The following DAPL1 variants were observed in gnomAD, a reference collection of about 807,000 sequenced individuals.
DAPL1 encodes the protein death-associated protein-like 1.
A neutral mutation model predicts 12.9 loss-of-function variants in DAPL1; 17 were observed. That is an observed-to-expected ratio of 1.32 (90% CI 0.90 to 1.98). DAPL1 has a LOEUF of 1.98. DAPL1 is among the 30% of genes most tolerant of loss of function. DAPL1 has a pLI of 0.00. For missense variants in DAPL1, 157 were observed against 125.7 expected, an observed-to-expected ratio of 1.25 and a Z score of -1.19; for synonymous variants, 51 against 42.0, an observed-to-expected ratio of 1.21 and a Z score of -0.82.
At chr2:158,815,179 G>T (rs574301854) in intron 3 of DAPL1, among the ~76,000 whole-genome samples, 4 of 151,994 alleles carry the variant, frequency 2.6e-5, no homozygotes, top group African/African-American at 9.7e-5. Flanking sequence ...CTCTTCACTG[G>T]GCTATTTAGA....
At chr2:158,812,883 G>A (rs1317600571) in intron 3 of DAPL1, among the ~76,000 whole-genome samples, 1 of 151,558 alleles carries the variant, frequency 6.6e-6, no homozygotes, top group Non-Finnish European at 1.5e-5. Flanking sequence ...CCCATATATT[G>A]GAAGAATTGA....
At position 158,804,916 on chromosome 2, in the gene DAPL1, C is replaced by T. The variant is rs1483249886; in HGVS notation, c.146+547C>T. On this transcript the variant is annotated intron_variant, in intron 2 of 3. Coordinates refer to ENST00000309950, the MANE Select transcript of DAPL1 (RefSeq NM_001017920.3). Reference sequence around the variant, plus strand: ...TTCCACCATAACATTGACGCCTGCCCTATTCTCAGAACTCAGCAGAGAGCT... The same window carrying T: ...TTCCACCATAACATTGACGCCTGCCTTATTCTCAGAACTCAGCAGAGAGCT... Among the ~76,000 whole-genome samples, 4 of 152,204 alleles carry T rather than the reference C, an allele frequency of 2.6e-5. No individual in the cohort carries two copies. The South Asian group carries it at 8.3e-4, about 32-fold the overall frequency.
At chr2:158,807,172 T>C in intron 3 of DAPL1, 57 bp downstream of exon 3, 2 of 1,409,636 alleles carry the variant, frequency 1.4e-6, no homozygotes, top group Admixed American at 1.8e-5. Flanking sequence ...TGGATCCAGC[T>C]GCATGGGTGA....
At chr2:158,813,131 C>G (rs2059240524) in intron 3 of DAPL1, among the ~76,000 whole-genome samples, 2 of 152,080 alleles carry the variant, frequency 1.3e-5, no homozygotes, top group African/African-American at 4.8e-5. Context: ...AAGCCAGACA[C>G]AAAAGGACAA....
At chr2:158,809,111 A>G (rs992544939) in intron 3 of DAPL1, among the ~76,000 whole-genome samples, 1 of 152,160 alleles carries the variant, frequency 6.6e-6, no homozygotes, top group Non-Finnish European at 1.5e-5. Flanking sequence ...CTGTAATCCC[A>G]GCACTTTGCG....
chr2:158,814,669 T>C (rs1189588070), intron 3 of DAPL1, among the ~76,000 whole-genome samples: 1 of 152,240 alleles, frequency 6.6e-6, no homozygotes, highest in Non-Finnish European at 1.5e-5. Context: ...AAGGCACATA[T>C]GTTTTCCCTG....
intron 2 of DAPL1, among the ~76,000 whole-genome samples, chr2:158,806,853 TA>T (rs2059205208): frequency 1.5e-5 from 2 of 130,384 alleles, no homozygotes; most frequent in Admixed American, 1.5e-4. Flanking sequence ...AAAAAAATAA[TA>T]ATAATAATAA....
At chr2:158,815,614 C>T in intron 3 of DAPL1, 91 bp from the exon 4 acceptor site, 1 of 818,402 alleles carries the variant, frequency 1.2e-6, no homozygotes, top group Admixed American at 1.9e-5. Flanking sequence ...TGTGAGATTC[C>T]CTTGATCAAC....
intron 3 of DAPL1, among the ~76,000 whole-genome samples, chr2:158,812,357 T>C (rs1314103898): frequency 6.6e-6 from 1 of 152,220 alleles, no homozygotes; most frequent in African/African-American, 2.4e-5. Flanking sequence ...TTCTGAGAAG[T>C]AGTTGAGCAG....
intron 3 of DAPL1, among the ~76,000 whole-genome samples, chr2:158,815,267 A>G (rs2059253868): frequency 6.6e-6 from 1 of 152,214 alleles, no homozygotes; most frequent in Admixed American, 6.5e-5. Context: ...AGACCTAATA[A>G]ATAACCCTAA....
rs771340548 is a variant in DAPL1, at chr2:158,807,053, A to G, written c.147-2A>G. Reference sequence around the variant, plus strand: ...GTTCAAAGTTTCTTTTCATCTTCACAGTGCCATTGCAAATGTTGCCAAAAT... The same window carrying G: ...GTTCAAAGTTTCTTTTCATCTTCACGGTGCCATTGCAAATGTTGCCAAAAT... On this transcript the variant is annotated splice_acceptor_variant, in intron 2 of 3. Transcript: ENST00000309950. LOFTEE classifies it high-confidence loss of function. 6.2e-7 allele frequency: 1 copy of G among 1,612,454 alleles called. No individual in the cohort carries two copies. Among genetic ancestry groups the G allele is most frequent in the Non-Finnish European group, 8.5e-7 (1 of 1,178,864 alleles).
intron 1 of DAPL1, among the ~76,000 whole-genome samples, chr2:158,801,865 A>G (rs191277654): frequency 3.8e-4 from 58 of 152,334 alleles, no homozygotes; most frequent in African/African-American, 1.3e-3. Flanking sequence ...TATATTTGCA[A>G]TGTATCTCAT....
At chr2:158,809,042 A>G (rs1349304328) in intron 3 of DAPL1, among the ~76,000 whole-genome samples, 2 of 152,160 alleles carry the variant, frequency 1.3e-5, no homozygotes, top group Non-Finnish European at 2.9e-5. Flanking sequence ...CCATAAGAGA[A>G]CATTGAGATG....
intron 3 of DAPL1, among the ~76,000 whole-genome samples, chr2:158,815,171 C>A (rs2105158795): frequency 6.6e-6 from 1 of 152,330 alleles, no homozygotes; most frequent in African/African-American, 2.4e-5. Flanking sequence ...TCAGCCTTCT[C>A]TTCACTGGGC....
At chr2:158,815,067 G>A (rs1332036960) in intron 3 of DAPL1, among the ~76,000 whole-genome samples, 2 of 152,204 alleles carry the variant, frequency 1.3e-5, no homozygotes, top group Non-Finnish European at 2.9e-5. Context: ...CTCAGCCTGT[G>A]TTAATAAGCC....
At chr2:158,808,597 C>G (rs1017384254) in intron 3 of DAPL1, among the ~76,000 whole-genome samples, 14 of 152,120 alleles carry the variant, frequency 9.2e-5, no homozygotes, top group Non-Finnish European at 2.1e-4. Context: ...CACATGGGAG[C>G]CTTGGTTCTC....
chr2:158,803,266 T>C (rs1342441651), intron 1 of DAPL1, among the ~76,000 whole-genome samples: 3 of 152,212 alleles, frequency 2.0e-5, no homozygotes, highest in Admixed American at 2.0e-4. Context: ...GGCTTTTGAA[T>C]TTTGGGCCTT....
At chr2:158,815,679 A>G in intron 3 of DAPL1, 26 bp from the exon 4 acceptor site, 1 of 1,465,284 alleles carries the variant, frequency 6.8e-7, no homozygotes, top group South Asian at 1.1e-5. Context: ...CAATATGCCT[A>G]TTTTTTCTTC....
chr2:158,798,179 A>G (rs2059145255), intron 1 of DAPL1, among the ~76,000 whole-genome samples: 1 of 152,260 alleles, frequency 6.6e-6, no homozygotes, highest in Non-Finnish European at 1.5e-5. Flanking sequence ...CAAATGAATC[A>G]GAGCCATTAG....
Sources: gnomAD v4.1 joint callset for allele counts (sites outside exome capture counted in the v4.1 genomes callset) on GRCh38, gnomAD v4.1.1 for gene constraint, MANE v1.5 for transcripts, NCBI Gene and HGNC (gene_info 2026-07-23, HGNC 2026-07-21) for gene names.